The following ARHGEF26 variants were observed in gnomAD, a reference collection of about 807,000 sequenced individuals.
ARHGEF26 encodes the protein Rho guanine nucleotide exchange factor 26.
In ARHGEF26, 59 loss-of-function variants were observed where a neutral mutation model predicts 89.4. The observed-to-expected ratio is 0.66, with a 90% CI of 0.54 to 0.82. The LOEUF is 0.82. Among genes scored for constraint, ARHGEF26 ranks in the 40% least tolerant of loss-of-function variants. The pLI, the probability that ARHGEF26 is intolerant of heterozygous loss-of-function variation, is 0.00. For missense variants in ARHGEF26, 1,234 were observed against 1,085.6 expected, an observed-to-expected ratio of 1.14 and a Z score of -1.92; for synonymous variants, 500 against 428.4, an observed-to-expected ratio of 1.17 and a Z score of -2.06.
rs553134429 is a variant in ARHGEF26, at chr3:154,178,047, T to C, written c.1488-9638T>C. ...GGTGAACCCCTGTCTCTCCTAAGAA[T>C]ACAAAAATTAGCCTGGCATGGTGGT... is the stretch of plus-strand genomic sequence containing the variant. On this transcript the variant is annotated intron_variant, in intron 6 of 14. Coordinates refer to ENST00000465093, the MANE Select transcript of ARHGEF26 (RefSeq NM_015595.4). Among the ~76,000 whole-genome samples the C allele has an allele frequency of 4.6e-5, 7 of 151,964 alleles. 1 individual carries two copies. In the South Asian group the frequency reaches 1.5e-3, roughly 32 times the overall value.
chr3:154,144,692 G>A (rs1719594601), intron 4 of ARHGEF26, among the ~76,000 whole-genome samples: 1 of 152,286 alleles, frequency 6.6e-6, no homozygotes, highest in Admixed American at 6.5e-5. Context: ...AGGAGCAAGT[G>A]TCCTGGTCTG....
intron 6 of ARHGEF26, among the ~76,000 whole-genome samples, chr3:154,165,400 G>A (rs1711953072): frequency 6.6e-6 from 1 of 152,048 alleles, no homozygotes; most frequent in Admixed American, 6.6e-5. Context: ...TGTTACTTAT[G>A]GAGTACCTTT....
At chr3:154,201,308 C>A (rs903244361) in intron 9 of ARHGEF26, among the ~76,000 whole-genome samples, 3 of 152,074 alleles carry the variant, frequency 2.0e-5, no homozygotes, top group African/African-American at 7.2e-5. Context: ...CCAGCTTCAT[C>A]CATGTCCCTA....
chr3:154,164,892 T>C (rs534225208), intron 6 of ARHGEF26, among the ~76,000 whole-genome samples: 73 of 152,312 alleles, frequency 4.8e-4, no homozygotes, highest in African/African-American at 1.7e-3. Context: ...CAAGCGTTCT[T>C]ACAAGTTGAG....
intron 10 of ARHGEF26, among the ~76,000 whole-genome samples, chr3:154,219,456 G>T (rs1309673317): frequency 6.6e-6 from 1 of 151,960 alleles, no homozygotes; most frequent in African/African-American, 2.4e-5. Flanking sequence ...TTAGCCGGGT[G>T]TAGTGGCAGG....
chr3:154,249,835 C>A (rs2108297953), intron 12 of ARHGEF26, among the ~76,000 whole-genome samples: 1 of 152,262 alleles, frequency 6.6e-6, no homozygotes, highest in African/African-American at 2.4e-5. Context: ...ATTGTGAATT[C>A]ATCTCAATTG....
chr3:154,208,716 A>G (rs935776337), intron 9 of ARHGEF26, among the ~76,000 whole-genome samples: 1 of 148,772 alleles, frequency 6.7e-6, no homozygotes, highest in African/African-American at 2.5e-5. Flanking sequence ...TGCTTGACTA[A>G]TTCTGCTATT....
chr3:154,199,083 T>A (rs914120093), intron 9 of ARHGEF26, among the ~76,000 whole-genome samples: 1 of 151,986 alleles, frequency 6.6e-6, no homozygotes, highest in Non-Finnish European at 1.5e-5. Context: ...AAACTCTTTA[T>A]TTTAAAATGT....
chr3:154,189,288 C>T (rs760601603), intron 7 of ARHGEF26, among the ~76,000 whole-genome samples: 32 of 150,950 alleles, frequency 2.1e-4, no homozygotes, highest in Non-Finnish European at 4.1e-4. Flanking sequence ...AGCACTTTCA[C>T]GTGGCAATTA....
chr3:154,234,984 G>A (rs138666363), intron 11 of ARHGEF26, among the ~76,000 whole-genome samples: 12 of 151,876 alleles, frequency 7.9e-5, no homozygotes, highest in African/African-American at 2.2e-4. Context: ...GGATGGTCTC[G>A]ATCTCCTGAC....
chr3:154,212,766 C>T (rs568088396), intron 9 of ARHGEF26, among the ~76,000 whole-genome samples: 6 of 152,198 alleles, frequency 3.9e-5, no homozygotes, highest in South Asian at 2.1e-4. Context: ...ACTGATCTGA[C>T]AGGAGGAGGA....
rs548071198 is a variant in ARHGEF26, at chr3:154,160,863, G to T, written c.1487+7931G>T. The stretch of plus-strand genomic sequence containing the variant: ...GTTGGGTAAAGGTGTGACTAAAACT[G>T]CAAGTTTCATGCAAATCTGTTTGAG... On this transcript the variant is annotated intron_variant, in intron 6 of 14. Coordinates refer to ENST00000465093, the MANE Select transcript of ARHGEF26 (RefSeq NM_015595.4). Among the ~76,000 whole-genome samples, 6 of 152,226 alleles carry T rather than the reference G, an allele frequency of 3.9e-5. No homozygotes were observed. The East Asian group carries it at 1.2e-3, about 29-fold the overall frequency.
chr3:154,200,562 T>G (rs79239401), intron 9 of ARHGEF26, among the ~76,000 whole-genome samples: 2 of 152,090 alleles, frequency 1.3e-5, no homozygotes, highest in African/African-American at 4.8e-5. Context: ...TGGTTTCATA[T>G]ACATTTTAGG....
chr3:154,169,372 C>CAA (rs995926722), intron 6 of ARHGEF26, among the ~76,000 whole-genome samples: 1 of 145,692 alleles, frequency 6.9e-6, no homozygotes, highest in South Asian at 2.2e-4. Context: ...AGCAGAGCAG[C>CAA]AAAAAAAAAA....
chr3:154,191,872 A>C (rs547871616), intron 8 of ARHGEF26, among the ~76,000 whole-genome samples: 2 of 152,314 alleles, frequency 1.3e-5, no homozygotes, highest in Admixed American at 1.3e-4. Flanking sequence ...CTTCAGCATG[A>C]CAAGGCATAG....
chr3:154,226,337 C>A (rs957934808), intron 11 of ARHGEF26, among the ~76,000 whole-genome samples: 2 of 152,120 alleles, frequency 1.3e-5, no homozygotes, highest in Non-Finnish European at 2.9e-5. Context: ...ACTCCTTCTA[C>A]CATAAAATTT....
Position 154,152,915 on chromosome 3 carries a change from C to T in ARHGEF26, c.1470C>T (p.Val490=). The change falls in exon 6 of 15, where the codon GTC becomes GTT. Residue 490 remains valine (V), a synonymous_variant. Coordinates refer to ENST00000465093, the MANE Select transcript of ARHGEF26 (RefSeq NM_015595.4). ...RHHLFSNITD[V]CEASKKFFIE... Reference sequence around the variant, plus strand: ...ATCTTTTCTCCAATATTACAGATGTCTGTGAGGCAAGCAAAAAGTAAGTGC... The same window carrying T: ...ATCTTTTCTCCAATATTACAGATGTTTGTGAGGCAAGCAAAAAGTAAGTGC... 1 of 1,591,306 alleles carries T rather than the reference C, an allele frequency of 6.3e-7. No homozygotes were observed. Among genetic ancestry groups the T allele is most frequent in the Non-Finnish European group, 8.5e-7 (1 of 1,169,976 alleles).
intron 4 of ARHGEF26, among the ~76,000 whole-genome samples, chr3:154,146,562 A>G (rs1719720169): frequency 6.6e-6 from 1 of 152,210 alleles, no homozygotes; most frequent in Non-Finnish European, 1.5e-5. Flanking sequence ...TTAGCCAATT[A>G]CTAATTTCTA....
At chr3:154,203,528 A>G (rs1714797018) in intron 9 of ARHGEF26, among the ~76,000 whole-genome samples, 1 of 152,306 alleles carries the variant, frequency 6.6e-6, no homozygotes, top group African/African-American at 2.4e-5. Flanking sequence ...ATGTCAAATA[A>G]TGGTGGTGAA....
Sources: allele counts gnomAD v4.1 joint callset (sites outside exome capture counted in the v4.1 genomes callset), GRCh38; gene constraint gnomAD v4.1.1; transcripts MANE v1.5; gene names NCBI Gene and HGNC (gene_info 2026-07-23, HGNC 2026-07-21).